The following CCSER1 variants were observed in gnomAD, a reference collection of about 807,000 sequenced individuals.
CCSER1 encodes the protein serine-rich coiled-coil domain-containing protein 1.
In CCSER1, 41 loss-of-function variants were observed where a neutral mutation model predicts 82.0. That is an observed-to-expected ratio of 0.50 (90% confidence interval 0.39 to 0.65). CCSER1 has a LOEUF of 0.65. CCSER1 is among the 30% of genes least tolerant of loss of function. CCSER1 has a pLI of 0.00. For missense variants in CCSER1, 1,119 were observed against 1,064.2 expected (o/e 1.05, Z -0.72); for synonymous variants, 414 against 383.9 (o/e 1.08, Z -0.92).
chr4:91,136,963 G>A (rs958122502), intron 10 of CCSER1, among the ~76,000 whole-genome samples: 9 of 151,648 alleles, frequency 5.9e-5, no homozygotes, highest in Admixed American at 5.3e-4. Context: ...TAACTTAATA[G>A]GGAATTCAAA....
intron 10 of CCSER1, among the ~76,000 whole-genome samples, chr4:91,386,013 T>A (rs1232461332): frequency 6.6e-6 from 1 of 151,742 alleles, no homozygotes; most frequent in Non-Finnish European, 1.5e-5. Flanking sequence ...CACACACAAA[T>A]GCATACATAT....
chr4:91,479,819 G>C (rs1031681851), intron 10 of CCSER1, among the ~76,000 whole-genome samples: 1 of 141,540 alleles, frequency 7.1e-6, no homozygotes, highest in African/African-American at 2.6e-5. Context: ...GTATACATGT[G>C]CCATGCTGGT....
intron 10 of CCSER1, among the ~76,000 whole-genome samples, chr4:91,257,925 A>T (rs1740825469): frequency 6.6e-6 from 1 of 152,074 alleles, no homozygotes; most frequent in Non-Finnish European, 1.5e-5. Context: ...GGAAGAAAAG[A>T]TTTATTTTAA....
intron 10 of CCSER1, among the ~76,000 whole-genome samples, chr4:91,374,230 T>C (rs1750240340): frequency 6.6e-6 from 1 of 152,278 alleles, no homozygotes; most frequent in Non-Finnish European, 1.5e-5. Flanking sequence ...ATGTAGACAT[T>C]CAGGTTTGTA....
intron 1 of CCSER1, among the ~76,000 whole-genome samples, chr4:90,249,584 A>T (rs975159995): frequency 1.3e-5 from 2 of 152,270 alleles, no homozygotes; most frequent in Admixed American, 1.3e-4. Context: ...TATAAATAGA[A>T]CATACAATAT....
At chr4:91,110,624 TTTTG>T (rs139430628) in intron 10 of CCSER1, among the ~76,000 whole-genome samples, 32,076 of 151,824 alleles carry the variant, frequency 0.21, 3,917 homozygotes, top group African/African-American at 0.33. Flanking sequence ...TACTGTGACT[TTTTG>T]TTTATCTCTG....
chr4:90,424,001 G>A (rs1757140640), intron 4 of CCSER1, among the ~76,000 whole-genome samples: 1 of 151,240 alleles, frequency 6.6e-6, no homozygotes, highest in South Asian at 2.1e-4. Flanking sequence ...TGAGGCAGGA[G>A]AATGGCGTGA....
chr4:90,198,279 A>G (rs1428076053), intron 1 of CCSER1, among the ~76,000 whole-genome samples: 1 of 151,946 alleles, frequency 6.6e-6, no homozygotes, highest in African/African-American at 2.4e-5. Context: ...CCCCTGGCAA[A>G]TACTCCCCCA....
At chr4:90,617,420 G>C (rs1721492846) in intron 5 of CCSER1, among the ~76,000 whole-genome samples, 1 of 152,006 alleles carries the variant, frequency 6.6e-6, no homozygotes. Context: ...TTGTGTAAAA[G>C]AAAAACCATC....
chr4:90,173,121 A>G (rs947162576), intron 1 of CCSER1, among the ~76,000 whole-genome samples: 8 of 151,776 alleles, frequency 5.3e-5, no homozygotes, highest in Non-Finnish European at 8.8e-5. Context: ...AGAATACAGG[A>G]CAGACAATCT....
chr4:90,856,515 ATAAAT>A (rs1025104319), intron 8 of CCSER1, among the ~76,000 whole-genome samples: 4 of 152,134 alleles, frequency 2.6e-5, no homozygotes, highest in African/African-American at 7.2e-5. Context: ...AGTGGGTCTG[ATAAAT>A]TAATCCATTC....
chr4:90,154,912 C>G (rs1248910864), intron 1 of CCSER1, among the ~76,000 whole-genome samples: 1 of 152,052 alleles, frequency 6.6e-6, no homozygotes, highest in Non-Finnish European at 1.5e-5. Context: ...ACTTCCAACA[C>G]TATGTTGAAT....
At chr4:90,175,612 A>C (rs2153381674) in intron 1 of CCSER1, among the ~76,000 whole-genome samples, 1 of 152,164 alleles carries the variant, frequency 6.6e-6, no homozygotes, top group East Asian at 1.9e-4. Context: ...AGGAAGTAGA[A>C]TGCAAATATT....
intron 10 of CCSER1, among the ~76,000 whole-genome samples, chr4:91,283,540 C>T (rs72877077): frequency 6.6e-6 from 1 of 152,020 alleles, no homozygotes; most frequent in Non-Finnish European, 1.5e-5. Context: ...CACAAAACTT[C>T]CTGTCAAATT....
intron 10 of CCSER1, among the ~76,000 whole-genome samples, chr4:91,497,381 C>T (rs1758981298): frequency 6.6e-6 from 1 of 151,620 alleles, no homozygotes; most frequent in Non-Finnish European, 1.5e-5. Flanking sequence ...AAGATGTCCA[C>T]ATTTTTATTT....
chr4:91,102,404 AG>A (rs1041814885), intron 10 of CCSER1, among the ~76,000 whole-genome samples: 1 of 152,196 alleles, frequency 6.6e-6, no homozygotes, highest in Non-Finnish European at 1.5e-5. Context: ...TTGTGATTTC[AG>A]GGTTCTGAAA....
chr4:91,147,832 TA>T (rs1361063919), intron 10 of CCSER1, among the ~76,000 whole-genome samples: 1 of 152,250 alleles, frequency 6.6e-6, no homozygotes, highest in Non-Finnish European at 1.5e-5. Context: ...ATGATACACT[TA>T]AAACACTGAA....
chr4:91,595,220 C>T (rs993209946), intron 10 of CCSER1, among the ~76,000 whole-genome samples: 10 of 152,058 alleles, frequency 6.6e-5, no homozygotes, highest in Non-Finnish European at 8.8e-5. Context: ...TGTGATCAGT[C>T]GAGATAGTGT....
At chr4:91,418,177 A>T (rs372260403) in intron 10 of CCSER1, among the ~76,000 whole-genome samples, 2 of 151,978 alleles carry the variant, frequency 1.3e-5, no homozygotes, top group African/African-American at 4.8e-5. Context: ...AAGGAAATAG[A>T]ATAAAAGAAC....
Sources: gnomAD v4.1 joint callset for allele counts (sites outside exome capture counted in the v4.1 genomes callset) on GRCh38, gnomAD v4.1.1 for gene constraint, MANE v1.5 for transcripts, NCBI Gene and HGNC (gene_info 2026-07-23, HGNC 2026-07-21) for gene names.